The following LRRC43 variants were observed in gnomAD, a reference collection of about 807,000 sequenced individuals.
LRRC43 encodes leucine-rich repeat-containing protein 43.
LRRC43 carries 62 observed loss-of-function variants against 64.3 expected under a neutral mutation model. That is an observed-to-expected ratio of 0.96 (90% CI 0.79 to 1.19). The LOEUF (loss-of-function observed/expected upper bound fraction) is 1.19, where lower values mean the gene tolerates loss of function less well. Among genes scored for constraint, LRRC43 ranks in the 50% most tolerant of loss-of-function variants. The probability of loss-of-function intolerance (pLI) is 0.00; values close to 1 mark genes in which losing one functional copy is unlikely to be tolerated. For synonymous variants in LRRC43, 422 were observed against 382.3 expected, an observed-to-expected ratio of 1.10 and a Z score of -1.21; for missense variants, 868 against 845.0, an observed-to-expected ratio of 1.03 and a Z score of -0.34.
At chr12:122,190,479 T>A (rs1953705778) in intron 5 of LRRC43, 111 bp downstream of exon 5, 1 of 806,362 alleles carries the variant, frequency 1.2e-6, no homozygotes, top group South Asian at 1.6e-5. Flanking sequence ...ACTCCCCATT[T>A]GACCCAGACC....
chr12:122,189,958 C>G (rs1383308548), intron 4 of LRRC43, 172 bp from the exon 5 acceptor site: 2 of 680,074 alleles, frequency 2.9e-6, no homozygotes, highest in South Asian at 1.7e-5. Flanking sequence ...AGATGAAGAG[C>G]CAGGCACTCG....
At chr12:122,168,696 C>T (rs1000630846) in intron 1 of LRRC43, among the ~76,000 whole-genome samples, 4 of 152,232 alleles carry the variant, frequency 2.6e-5, no homozygotes, top group East Asian at 3.9e-4. Context: ...TAACTGTGCA[C>T]GTTTATAAAA....
At chr12:122,172,635 T>A in intron 1 of LRRC43, 3 of 1,614,192 alleles carry the variant, frequency 1.9e-6, no homozygotes, top group Non-Finnish European at 2.5e-6. Flanking sequence ...TGTCTTGAGA[T>A]ATGCCCGGAT....
chr12:122,203,337 G>C lies in LRRC43; in HGVS notation c.1866G>C (p.Pro622=), dbSNP rs778478524. The change falls in exon 12 of 12, where the codon CCG becomes CCC. Residue 622 remains proline, a synonymous_variant. Coordinates refer to ENST00000339777, the MANE Select transcript of LRRC43 (RefSeq NM_001098519.2). ...CAGAAAAGCCGAAAGCCGTGATTCC[G>C]ATCTACGAAGGCGATTACCACCCTG... The part of the protein sequence containing the change: ...AKKEKPKAVI[P]IYEGDYHPEP... 15 of 1,612,824 alleles carry C rather than the reference G, an allele frequency of 9.3e-6. No homozygotes were observed. Among genetic ancestry groups the C allele is most frequent in the Non-Finnish European group, 1.2e-5 (14 of 1,179,888 alleles).
At position 122,203,437 on chromosome 12, in the gene LRRC43, G is replaced by T. The variant is rs757672800; in HGVS notation, c.1966G>T (p.Val656Leu). The change falls in exon 12 of 12, where the codon GTG becomes TTG. Residue 656 changes from valine to leucine, a missense_variant. Val to Leu is a conservative substitution (Grantham distance 32). Transcript: ENST00000339777. ...SAEEALRMFA[V>L] ...GGAGGAGGCTCTGCGCATGTTCGCC[G>T]TGTAGGGCGTGGGCAGTAAAGGCTG... 6.2e-7 allele frequency: 1 copy of T among 1,610,296 alleles called. No individual in the cohort carries two copies. Among genetic ancestry groups the T allele is most frequent in the Admixed American group, 1.7e-5 (1 of 59,946 alleles).
chr12:122,178,490 G>A (rs1953555745), upstream of LRRC43, among the ~76,000 whole-genome samples: 1 of 152,000 alleles, frequency 6.6e-6, no homozygotes, highest in African/African-American at 2.4e-5. Context: ...CAAAGGTGAG[G>A]GTGAGAAGAG....
chr12:122,172,591 CATCAATAACAGATTTGTT>C, intron 1 of LRRC43: 2 of 1,614,172 alleles, frequency 1.2e-6, no homozygotes, highest in Non-Finnish European at 1.7e-6. Context: ...TCTATGATCT[CATCAATAACAGATTTGTT>C]GTCTAGCTGT....
intron 1 of LRRC43, among the ~76,000 whole-genome samples, chr12:122,173,267 T>G (rs1368831277): frequency 6.6e-6 from 1 of 152,258 alleles, no homozygotes; most frequent in African/African-American, 2.4e-5. Flanking sequence ...CCAGTCATCT[T>G]GGGTTGGTAA....
upstream of LRRC43, among the ~76,000 whole-genome samples, chr12:122,180,075 A>C (rs1671853041): frequency 6.6e-6 from 1 of 152,188 alleles, no homozygotes; most frequent in South Asian, 2.1e-4. Flanking sequence ...AATGGTTGGC[A>C]TCATCAAAAG....
chr12:122,175,526 C>T (rs1953530285), intron 1 of LRRC43, among the ~76,000 whole-genome samples: 1 of 144,978 alleles, frequency 6.9e-6, no homozygotes, highest in Non-Finnish European at 1.5e-5. Context: ...TTTTTTGAGA[C>T]AGGGTCTCAT....
chr12:122,200,756 T>C lies in LRRC43; in HGVS notation c.1631T>C (p.Val544Ala). 6.2e-7 allele frequency: 1 copy of C among 1,612,746 alleles called. No individual in the cohort carries two copies. Among genetic ancestry groups the C allele is most frequent in the Non-Finnish European group, 8.5e-7 (1 of 1,179,936 alleles). ...CTCCCGTCGTCGCAGGAGTGGAAGG[T>C]GCTGAAGAAGAAGAAAGAGCCGCCC... ...GEKEPAKEWK[V>A]LKKKKEPPKE... The change falls in exon 10 of 12, where the codon GTG becomes GCG. Residue 544 changes from valine to alanine, a missense_variant. Coordinates refer to ENST00000339777, the MANE Select transcript of LRRC43 (RefSeq NM_001098519.2). This position sits in a 1 kb window ranked among gnomAD's most constrained non-coding sequence, Gnocchi z 4.6.
In LRRC43 at chr12:122,203,298, CACTTA is replaced by C; in HGVS notation, c.1844-15_1844-11del. 1 of 1,608,784 alleles carries C rather than the reference CACTTA, an allele frequency of 6.2e-7. No homozygotes were observed. Among genetic ancestry groups the C allele is most frequent in the South Asian group, 1.1e-5 (1 of 90,710 alleles). ...ATCCGTCTCCCGGGGCTCATGCTCG[CACTTA>C]AATTTTCTCAGAAAAGCCGAAAGCC... is the stretch of plus-strand genomic sequence containing the variant. On this transcript the variant is annotated splice_polypyrimidine_tract_variant and intron_variant, in intron 11 of 11. Transcript: ENST00000339777.
chr12:122,188,898 A>G (rs751061241), intron 4 of LRRC43, among the ~76,000 whole-genome samples: 4 of 152,136 alleles, frequency 2.6e-5, no homozygotes, highest in Non-Finnish European at 5.9e-5. Context: ...ATTAGTTGTG[A>G]CAAACAAAAA....
rs377244972 is a variant in LRRC43, at chr12:122,173,983, G to T, written c.-406+6201G>T. On this transcript the variant is annotated intron_variant, in intron 1 of 5. Coordinates refer to the LRRC43 transcript ENST00000537729. Reference sequence around the variant, plus strand: ...GCAGCAGAACAGAAAGAGCACAGACGTCGAGGGGCCTGGAGAGAGAACGAT... The same window carrying T: ...GCAGCAGAACAGAAAGAGCACAGACTTCGAGGGGCCTGGAGAGAGAACGAT... The T allele has an allele frequency of 2.5e-6, 4 of 1,613,986 alleles. No individual in the cohort carries two copies. The East Asian group carries it at 6.7e-5, about 27-fold the overall frequency.
chr12:122,189,828 G>C (rs754984833), intron 4 of LRRC43, among the ~76,000 whole-genome samples: 3 of 152,244 alleles, frequency 2.0e-5, no homozygotes, highest in Non-Finnish European at 4.4e-5. Flanking sequence ...CACGCAGTGC[G>C]CGAGGCTCTG....
intron 1 of LRRC43, chr12:122,172,488 A>G: frequency 2.5e-6 from 4 of 1,614,192 alleles, no homozygotes; most frequent in Non-Finnish European, 3.4e-6. Context: ...CTGTTGAGAA[A>G]TAGTCAGGAT....
At chr12:122,192,334 C>T (rs1305301474) in intron 6 of LRRC43, among the ~76,000 whole-genome samples, 2 of 152,010 alleles carry the variant, frequency 1.3e-5, no homozygotes, top group Non-Finnish European at 2.9e-5. Flanking sequence ...GATGGGGTTT[C>T]ACCATGTTAG....
chr12:122,198,685 AGT>A (rs1447453098), intron 7 of LRRC43, among the ~76,000 whole-genome samples: 2 of 133,110 alleles, frequency 1.5e-5, no homozygotes, highest in Non-Finnish European at 3.0e-5. Context: ...GCTGGAGGGC[AGT>A]GGTGCGATCT....
chr12:122,189,568 G>A (rs1953689399), intron 4 of LRRC43: 1 of 448,096 alleles, frequency 2.2e-6, no homozygotes, highest in African/African-American at 2.0e-5. Flanking sequence ...ACAGGCCTTG[G>A]CCCGTGCTCT....
Sources: allele counts gnomAD v4.1 joint callset (sites outside exome capture counted in the v4.1 genomes callset), GRCh38; gene constraint gnomAD v4.1.1; non-coding constraint Gnocchi (gnomAD v3.1); transcripts MANE v1.5; gene names NCBI Gene and HGNC (gene_info 2026-07-23, HGNC 2026-07-21).